COG5: variants seen among roughly 807,000 people sequenced by gnomAD.
COG5 encodes the protein conserved oligomeric Golgi complex subunit 5.
Under a neutral mutation model 110.4 loss-of-function variants are expected in COG5, and 86 were observed. That is an observed-to-expected ratio of 0.78 (90% confidence interval 0.65 to 0.93). The LOEUF is 0.93. Among genes scored for constraint, COG5 ranks in the 40% least tolerant of loss-of-function variants. COG5 has a pLI of 0.00. For synonymous variants in COG5, 360 were observed against 334.6 expected (o/e 1.08, Z -0.83); for missense variants, 1,077 against 987.0 (o/e 1.09, Z -1.22).
intron 10 of COG5, among the ~76,000 whole-genome samples, chr7:107,344,944 T>A (rs1173066690): frequency 6.6e-6 from 1 of 152,220 alleles, no homozygotes; most frequent in Non-Finnish European, 1.5e-5. Context: ...TGTTCAGCAT[T>A]TCTCAGCTTT....
chr7:107,299,246 T>C (rs1462688030), intron 11 of COG5, among the ~76,000 whole-genome samples: 1 of 152,084 alleles, frequency 6.6e-6, no homozygotes, highest in African/African-American at 2.4e-5. Context: ...AACTGGTTCT[T>C]TGAAAAGATA....
intron 12 of COG5, among the ~76,000 whole-genome samples, chr7:107,290,672 C>T (rs1322368800): frequency 1.3e-5 from 2 of 152,140 alleles, no homozygotes; most frequent in Non-Finnish European, 2.9e-5. Flanking sequence ...GAAAGGACAG[C>T]TTTACTGGAC....
intron 7 of COG5, among the ~76,000 whole-genome samples, chr7:107,377,667 G>A (rs1814746996): frequency 6.6e-6 from 1 of 152,124 alleles, no homozygotes; most frequent in East Asian, 1.9e-4. Flanking sequence ...ACCTCTTTAA[G>A]GCTTAGTTTC....
Position 107,202,216 on chromosome 7 carries a change from TTAAATA to T in COG5, c.*1294_*1299del, listed in dbSNP as rs977361633. ...TTCTGTATCTCCTCAGCCATGTATC[TTAAATA>T]TATTTTGTCATCATAATCTTTATGG... On this transcript the variant is annotated 3_prime_UTR_variant, in exon 22 of 22. Transcript: ENST00000297135. 2 of 151,990 alleles carry T rather than the reference TTAAATA, an allele frequency of 1.3e-5. No individual in the cohort carries two copies. Among genetic ancestry groups the T allele is most frequent in the African/African-American group, 4.8e-5 (2 of 41,444 alleles). 9.4% of individuals were successfully genotyped at this position (151,990 alleles called of 1,614,324 possible). A position where few individuals can be genotyped will look rare whatever the true frequency, so the allele number is the denominator to read the frequency against.
intron 14 of COG5, among the ~76,000 whole-genome samples, chr7:107,279,911 C>T (rs557066283): frequency 6.6e-5 from 10 of 152,148 alleles, no homozygotes; most frequent in South Asian, 2.1e-4. Flanking sequence ...ATTTTGATTT[C>T]GTCTAAGCCT....
At chr7:107,259,143 GA>G (rs202136075) in intron 14 of COG5, among the ~76,000 whole-genome samples, 116 of 147,472 alleles carry the variant, frequency 7.9e-4, no homozygotes, top group East Asian at 1.8e-3. Flanking sequence ...TCAAATTTAA[GA>G]AAAAAAAAAT....
intron 6 of COG5, among the ~76,000 whole-genome samples, chr7:107,513,598 C>T (rs538678990): frequency 6.6e-5 from 10 of 152,268 alleles, no homozygotes; most frequent in South Asian, 2.1e-4. Context: ...CACATGCACA[C>T]GTATGTTTAC....
Position 107,202,937 on chromosome 7 carries a change from CTCAACTTTGT to C in COG5, c.*569_*578del, listed in dbSNP as rs1798456355. On this transcript the variant is annotated 3_prime_UTR_variant, in exon 22 of 22. Coordinates refer to ENST00000297135, the MANE Select transcript of COG5 (RefSeq NM_006348.5). ...TTAGCTTGGGATGTGCCAGTGGTTCCTCAACTTTGTTGTCTATTGGAATCATTTTGGGGAT... is the reference window on the plus strand; with the variant it reads ...TTAGCTTGGGATGTGCCAGTGGTTCCTGTCTATTGGAATCATTTTGGGGAT... The C allele has an allele frequency of 6.5e-6, 1 of 152,800 alleles. No individual in the cohort carries two copies. The highest frequency in any genetic ancestry group is 2.4e-5 in the African/African-American group (1 of 41,262). The allele number at this position is 152,800 out of a possible 1,614,324, so 9.5% of individuals were successfully genotyped here.
intron 10 of COG5, among the ~76,000 whole-genome samples, chr7:107,360,662 C>CATCTGATCCAGCTGCAGTCT (rs1813033239): frequency 6.6e-6 from 1 of 152,204 alleles, no homozygotes; most frequent in African/African-American, 2.4e-5. Flanking sequence ...GTGTGTAGTA[C>CATCTGATCCAGCTGCAGTCT]ATCTGATCCA....
chr7:107,314,943 T>C (rs945842116), intron 11 of COG5, among the ~76,000 whole-genome samples: 2 of 152,176 alleles, frequency 1.3e-5, no homozygotes, highest in Admixed American at 6.5e-5. Flanking sequence ...TTAACACAAA[T>C]TGCAAGTTTT....
At chr7:107,346,678 A>G (rs1032874622) in intron 10 of COG5, among the ~76,000 whole-genome samples, 5 of 152,128 alleles carry the variant, frequency 3.3e-5, no homozygotes, top group Non-Finnish European at 7.3e-5. Flanking sequence ...TTCTAACACC[A>G]CATAAACAGG....
chr7:107,500,206 A>T (rs543816877), intron 6 of COG5, among the ~76,000 whole-genome samples: 1 of 152,182 alleles, frequency 6.6e-6, no homozygotes, highest in South Asian at 2.1e-4. Flanking sequence ...GAAAAATAAG[A>T]TTCTATCCAA....
Position 107,475,209 on chromosome 7 carries a change from A to T in COG5, c.538+52028T>A, listed in dbSNP as rs746392823. 3 of 1,612,098 alleles carry T rather than the reference A, an allele frequency of 1.9e-6. No individual in the cohort carries two copies. In the South Asian group the frequency reaches 3.3e-5, roughly 18 times the overall value. ...AAAAGGTCTTGAAAAGTAAAATGAA[A>T]AAGCGAGTTGTTTCTATAGTAGAAG... On this transcript the variant is annotated intron_variant, in intron 6 of 21. Transcript: ENST00000297135.
intron 7 of COG5, among the ~76,000 whole-genome samples, chr7:107,374,591 C>T (rs1035709976): frequency 2.6e-5 from 4 of 151,900 alleles, no homozygotes; most frequent in Admixed American, 6.6e-5. Flanking sequence ...CAAAATTCTC[C>T]GCTCCAAAAA....
intron 19 of COG5, among the ~76,000 whole-genome samples, chr7:107,217,317 A>C (rs1292068098): frequency 6.6e-6 from 1 of 152,164 alleles, no homozygotes; most frequent in Non-Finnish European, 1.5e-5. Flanking sequence ...TAAAAGGTTT[A>C]AAGAAGAGCT....
chr7:107,478,794 C>A (rs951173235), intron 6 of COG5, among the ~76,000 whole-genome samples: 1 of 151,934 alleles, frequency 6.6e-6, no homozygotes, highest in African/African-American at 2.4e-5. Flanking sequence ...GCATTAAAAA[C>A]CAGATTCCTC....
intron 10 of COG5, among the ~76,000 whole-genome samples, chr7:107,331,242 G>A (rs749217355): frequency 6.6e-6 from 1 of 152,088 alleles, no homozygotes; most frequent in Non-Finnish European, 1.5e-5. Context: ...TTGGGAGGCC[G>A]AGATCACGAG....
chr7:107,479,381 CA>C, intron 6 of COG5, among the ~76,000 whole-genome samples: 1 of 151,806 alleles, frequency 6.6e-6, no homozygotes, highest in Admixed American at 6.6e-5. Context: ...AAATGAGCTT[CA>C]AAAAAACAAA....
rs565518476 is a variant in COG5 at position 107,546,738 on chromosome 7, C to A, written c.417+1373G>T. On this transcript the variant is annotated intron_variant, in intron 5 of 21. Coordinates refer to ENST00000297135, the MANE Select transcript of COG5 (RefSeq NM_006348.5). ...CAAAAATATAAAGAATTATAAGAAA[C>A]TACTATGAACAAATATATGCCAACA... is the stretch of plus-strand genomic sequence containing the variant. Among the ~76,000 whole-genome samples the A allele has an allele frequency of 1.1e-4, 16 of 152,010 alleles. No homozygotes were observed. In the South Asian group the frequency reaches 3.3e-3, roughly 32 times the overall value.
Sources: gnomAD v4.1 joint callset for allele counts (sites outside exome capture counted in the v4.1 genomes callset) on GRCh38, gnomAD v4.1.1 for gene constraint, MANE v1.5 for transcripts, NCBI Gene and HGNC (gene_info 2026-07-23, HGNC 2026-07-21) for gene names.